Variants in B4GALNT4 observed in about 807,000 individuals in gnomAD.
B4GALNT4 encodes the protein beta-1,4-N-acetyl-galactosaminyltransferase 4.
Under a neutral mutation model 110.0 loss-of-function variants are expected in B4GALNT4, and 77 were observed. That is an observed-to-expected ratio of 0.70 (90% confidence interval 0.58 to 0.85). The LOEUF (loss-of-function observed/expected upper bound fraction) is 0.85, where lower values mean the gene tolerates loss of function less well. Among genes scored for constraint, B4GALNT4 ranks in the 40% least tolerant of loss-of-function variants. The pLI, the probability that B4GALNT4 is intolerant of heterozygous loss-of-function variation, is 0.00. For synonymous variants in B4GALNT4, 785 were observed against 655.5 expected (o/e 1.20, Z -3.02); for missense variants, 1,575 against 1,506.0 (o/e 1.05, Z -0.76).
chr11:372,574 A>G (rs1431043783), intron 2 of B4GALNT4, 88 bp from the exon 3 acceptor site: 3 of 1,135,212 alleles, frequency 2.6e-6, no homozygotes, highest in Non-Finnish European at 3.9e-6. Flanking sequence ...TACATGTTGG[A>G]AGGGGTCTTT....
At chr11:380,097 C>G in intron 16 of B4GALNT4, 33 bp from the exon 17 acceptor site, 1 of 1,592,592 alleles carries the variant, frequency 6.3e-7, no homozygotes, top group Non-Finnish European at 8.6e-7. Flanking sequence ...GACCCCACCC[C>G]CAGAGATCGT....
chr11:380,239 G>T, intron 17 of B4GALNT4, 37 bp downstream of exon 17: 1 of 1,607,250 alleles, frequency 6.2e-7, no homozygotes, highest in African/African-American at 1.3e-5. Context: ...AGCAAAACGG[G>T]GCGTGCCCGG....
At position 380,283 on chromosome 11, in the gene B4GALNT4, A is replaced by AC. The variant is rs772409502; in HGVS notation, c.2716-3dup. 1 of 1,611,490 alleles carries AC rather than the reference A, an allele frequency of 6.2e-7. No individual in the cohort carries two copies. The highest frequency in any genetic ancestry group is 8.5e-7 in the Non-Finnish European group (1 of 1,179,098). Reference sequence around the variant, plus strand: ...GGAGGGCGGGGCTCAGACCTCCCGCACCCCCCAGGACGCCAGCAGCATCGT... The same window carrying AC: ...GGAGGGCGGGGCTCAGACCTCCCGCACCCCCCCAGGACGCCAGCAGCATCGT... On this transcript the variant is annotated splice_polypyrimidine_tract_variant and intron_variant, in intron 17 of 19. Transcript: ENST00000329962.
chr11:380,968 T>A lies in B4GALNT4; in HGVS notation c.2996+17T>A. 1 of 1,607,856 alleles carries A rather than the reference T, an allele frequency of 6.2e-7. No individual in the cohort carries two copies. Among genetic ancestry groups the A allele is most frequent in the South Asian group, 1.1e-5 (1 of 90,282 alleles). On this transcript the variant is annotated intron_variant, in intron 19 of 19. Transcript: ENST00000329962. ...CCTGGACAGGTGACCACCTCCCCAC[T>A]CCCCAGAGGTGACACCCTGACCCCT...
At chr11:373,159 T>C in intron 5 of B4GALNT4, 32 bp from the exon 6 acceptor site, 1 of 1,612,004 alleles carries the variant, frequency 6.2e-7, no homozygotes, top group African/African-American at 1.3e-5. Flanking sequence ...GCCGTGAGGC[T>C]CCACCCCCCT....
rs200187673 is a variant in B4GALNT4 at position 380,765 on chromosome 11, G to GC, written c.2870-58dup. 1.8e-3 allele frequency: 2,851 copies of GC among 1,586,620 alleles called. 50 individuals are homozygous for GC. The African/African-American group carries it at 0.041, about 23-fold the overall frequency. The stretch of plus-strand genomic sequence containing the variant: ...TCCCGAGGTCTCCTAGCGGCGCTTT[G>GC]CCGGGGGGACCTTGCAGGACCTGGT... On this transcript the variant is annotated intron_variant, in intron 18 of 19. Coordinates refer to ENST00000329962, the MANE Select transcript of B4GALNT4 (RefSeq NM_178537.5).
intron 19 of B4GALNT4, 23 bp from the exon 20 acceptor site, chr11:381,646 C>A: frequency 6.4e-7 from 1 of 1,569,982 alleles, no homozygotes; most frequent in South Asian, 1.2e-5. Flanking sequence ...GGGTCCTGAC[C>A]ACCTCTCTGC....
At chr11:372,334 C>T in intron 2 of B4GALNT4, 122 bp downstream of exon 2, 1 of 877,504 alleles carries the variant, frequency 1.1e-6, no homozygotes, top group Non-Finnish European at 1.8e-6. Flanking sequence ...AGACACAGGA[C>T]ATGTGGGGCA....
At chr11:377,373 G>A (rs537858447) in intron 14 of B4GALNT4, 46 bp downstream of exon 14, 2 of 1,448,550 alleles carry the variant, frequency 1.4e-6, no homozygotes, top group East Asian at 2.7e-5. Flanking sequence ...TGGAGGCGGG[G>A]ACAGCCGGGG....
chr11:376,224 C>G, intron 12 of B4GALNT4, 27 bp from the exon 13 acceptor site: 1 of 1,598,658 alleles, frequency 6.3e-7, no homozygotes, highest in Non-Finnish European at 8.5e-7. Context: ...GGGCGGGACT[C>G]GGCTCTGATG....
chr11:373,403 A>ACTGGGGGGG, intron 6 of B4GALNT4, 46 bp from the exon 7 acceptor site: 2 of 1,259,478 alleles, frequency 1.6e-6, no homozygotes, highest in Non-Finnish European at 2.2e-6. Context: ...CCAGGGAGAG[A>ACTGGGGGGG]GTGAACCCCC....
rs764817734 is a variant in B4GALNT4 at position 381,764 on chromosome 11, G to A, written c.3092G>A (p.Arg1031Lys). The A allele has an allele frequency of 5.7e-6, 9 of 1,584,194 alleles. No individual in the cohort carries two copies. Among genetic ancestry groups the A allele is most frequent in the Non-Finnish European group, 7.7e-6 (9 of 1,168,902 alleles). ...AGGGGCATGTGGAGCGTCCGCAGCA[G>A]GAAGGGCTCTCGCACGGGGGCGTCT... ...SKRGMWSVRS[R>K]KGSRTGAS Residue 1031 changes from arginine (R) to lysine (K), a missense_variant, in exon 20 of 20, where the codon AGG becomes AAG. Arg to Lys is a conservative substitution (Grantham distance 26). Transcript: ENST00000329962.
intron 14 of B4GALNT4, 29 bp downstream of exon 14, chr11:377,356 G>T (rs747221015): frequency 2.0e-6 from 3 of 1,474,436 alleles, no homozygotes; most frequent in South Asian, 2.7e-5. Context: ...GCGCGCCAGG[G>T]CGGTTTTGGA....
At chr11:374,530 T>G (rs1590336922) in intron 8 of B4GALNT4, among the ~76,000 whole-genome samples, 1 of 110,076 alleles carries the variant, frequency 9.1e-6, no homozygotes, top group Non-Finnish European at 1.9e-5. Context: ...GGCCCCAGGA[T>G]GAGGTGGGAA....
At position 375,740 on chromosome 11, in the gene B4GALNT4, C is replaced by G. The variant is rs545256382; in HGVS notation, c.952C>G (p.Leu318Val). The G allele has an allele frequency of 6.3e-7, 1 of 1,596,384 alleles. No individual in the cohort carries two copies. The highest frequency in any genetic ancestry group is 8.5e-7 in the Non-Finnish European group (1 of 1,175,230). ...PPQEETSADM[L>V]RPDPRDTFFL... Reference sequence around the variant, plus strand: ...GCAGGAGGAGACCAGCGCAGACATGCTGCGGCCAGATCCCAGGGATACCTT... The same window carrying G: ...GCAGGAGGAGACCAGCGCAGACATGGTGCGGCCAGATCCCAGGGATACCTT... The change falls in exon 10 of 20, where the codon CTG (leucine) becomes GTG (valine). Residue 318 changes from leucine (L) to valine (V), a missense_variant. Leu to Val is a conservative substitution (Grantham distance 32). Transcript: ENST00000329962.
In B4GALNT4 at chr11:380,724, C is replaced by A. The variant is rs115894282; in HGVS notation, c.2870-101C>A. ...CCCGGAAGCCCCCGTGGTGATGGGA[C>A]CCGGCACCTGACCCCTCCCGAGGTC... On this transcript the variant is annotated intron_variant, in intron 18 of 19. Coordinates refer to ENST00000329962, the MANE Select transcript of B4GALNT4 (RefSeq NM_178537.5). The A allele has an allele frequency of 1.4e-3, 2,216 of 1,583,914 alleles. 32 individuals are homozygous for A. In the African/African-American group the frequency reaches 0.027, roughly 19 times the overall value.
Position 375,769 on chromosome 11 carries a change from C to G in B4GALNT4, c.981C>G (p.Phe327Leu), listed in dbSNP as rs1256245013. 1.3e-6 allele frequency: 2 copies of G among 1,598,496 alleles called. No individual in the cohort carries two copies. The highest frequency in any genetic ancestry group is 1.7e-6 in the Non-Finnish European group (2 of 1,175,968). ...MLRPDPRDTF[F>L]LTPRMESSSL... is the part of the protein sequence containing the mutation. ...GGCCAGATCCCAGGGATACCTTTTT[C>G]CTCAGTGAGAGGGGGCCCGCGCGGG... Residue 327 changes from phenylalanine (F) to leucine (L), a missense_variant, in exon 10 of 20, where the codon TTC (phenylalanine) becomes TTG (leucine). Physicochemically the swap from Phe to Leu is conservative, Grantham distance 22. Coordinates refer to ENST00000329962, the MANE Select transcript of B4GALNT4 (RefSeq NM_178537.5).
At position 376,057 on chromosome 11, in the gene B4GALNT4, G is replaced by GGCCCCCCC; in HGVS notation, c.1096-17_1096-16insGCCCCCCC. On this transcript the variant is annotated splice_polypyrimidine_tract_variant and intron_variant, in intron 11 of 19. Coordinates refer to ENST00000329962, the MANE Select transcript of B4GALNT4 (RefSeq NM_178537.5). ...GGGAGGTCCGCGCCCTGAGCCCTGC[G>GGCCCCCCC]CCCCCCCACCCCCCAGGTGTACCTG... 1.9e-6 allele frequency: 3 copies of GGCCCCCCC among 1,579,356 alleles called. No homozygotes were observed. The highest frequency in any genetic ancestry group is 2.6e-6 in the Non-Finnish European group (3 of 1,150,858).
Position 376,094 on chromosome 11 carries a change from T to C in B4GALNT4, c.1116T>C (p.Tyr372=), listed in dbSNP as rs376024902. 1.4e-5 allele frequency: 22 copies of C among 1,604,216 alleles called. No individual in the cohort carries two copies. The African/African-American group carries it at 2.7e-4, about 20-fold the overall frequency. The stretch of plus-strand genomic sequence containing the variant: ...CCCAGGTGTACCTGTCCTTCGTTTA[T>C]CCCAACGACTACACTCGCCTCACCC... The part of the protein sequence containing the change: ...GLQFVYLSFV[Y]PNDYTRLTHM... Residue 372 remains tyrosine (Y), a synonymous_variant, in exon 12 of 20, where the codon TAT becomes TAC. Transcript: ENST00000329962.
Sources: allele counts gnomAD v4.1 joint callset (sites outside exome capture counted in the v4.1 genomes callset), GRCh38; gene constraint gnomAD v4.1.1; transcripts MANE v1.5; gene names NCBI Gene and HGNC (gene_info 2026-07-23, HGNC 2026-07-21).